The following FANCD2OS variants were observed in gnomAD, a reference collection of about 807,000 sequenced individuals.
The protein encoded by FANCD2OS is FANCD2 opposite strand, also known as FANCD2 opposite strand protein.
In FANCD2OS, 11 loss-of-function variants were observed where a neutral mutation model predicts 13.2. That is an observed-to-expected ratio of 0.83 (90% confidence interval 0.52 to 1.38). The LOEUF (loss-of-function observed/expected upper bound fraction) is 1.38. FANCD2OS is among the 40% of genes most tolerant of loss of function. The pLI is 0.00. For missense variants in FANCD2OS, 217 were observed against 213.9 expected, an observed-to-expected ratio of 1.01 and a Z score of -0.09; for synonymous variants, 69 against 84.5, an observed-to-expected ratio of 0.82 and a Z score of 1.01.
chr3:10,092,737 G>T (rs1575858154), intron 2 of FANCD2OS, among the ~76,000 whole-genome samples: 2 of 137,684 alleles, frequency 1.5e-5, no homozygotes, highest in African/African-American at 5.5e-5. Context: ...CTGTTGTCCA[G>T]GCTGGAATGC....
chr3:10,085,672 G>A (rs1694149812), intron 2 of FANCD2OS: 9 of 698,600 alleles, frequency 1.3e-5, no homozygotes, highest in South Asian at 1.3e-4. Flanking sequence ...TTACAGGTGT[G>A]AGCCACCACG....
Position 10,104,533 on chromosome 3 carries a change from G to T in FANCD2OS, c.242C>A (p.Thr81Lys), listed in dbSNP as rs771032579. Residue 81 changes from threonine (T) to lysine (K), a missense_variant, in exon 2 of 2, where the codon ACG becomes AAG. Physicochemically the swap from Thr to Lys is moderately conservative, Grantham distance 78. Coordinates refer to ENST00000450660, the MANE Select transcript of FANCD2OS (RefSeq NM_001164839.2). ...KLPCHTSELR[T>K]MNNKGLVRKP... ...CCTGACCAGTCCTTTGTTGTTCATC[G>T]TGCGCAACTCTGATGTGTGGCAGGG... 1.9e-6 allele frequency: 3 copies of T among 1,614,048 alleles called. No homozygotes were observed. Among genetic ancestry groups the T allele is most frequent in the African/African-American group, 1.3e-5 (1 of 74,890 alleles).
At chr3:10,090,750 G>A (rs1408413669) in intron 2 of FANCD2OS, among the ~76,000 whole-genome samples, 63 of 152,066 alleles carry the variant, frequency 4.1e-4, no homozygotes, top group African/African-American at 1.2e-3. Context: ...GCGCCACTGC[G>A]CCCGGTGGTA....
chr3:10,105,769 AAATTATATATATATAT>A (rs1695466890), intron 1 of FANCD2OS, among the ~76,000 whole-genome samples: 1 of 47,200 alleles, frequency 2.1e-5, no homozygotes, highest in African/African-American at 3.2e-4. Flanking sequence ...AAAAAAAAAA[AAATTATATATATATAT>A]ATATATATAT....
At chr3:10,093,158 A>G (rs1694752848) in intron 2 of FANCD2OS, 4 of 725,438 alleles carry the variant, frequency 5.5e-6, no homozygotes, top group East Asian at 2.6e-5. Context: ...ATTAATTTAA[A>G]TGTTGACATT....
chr3:10,107,351 G>C (rs1431111456), intron 1 of FANCD2OS, among the ~76,000 whole-genome samples: 1 of 151,692 alleles, frequency 6.6e-6, no homozygotes, highest in Non-Finnish European at 1.5e-5. Flanking sequence ...GCAGTGGCGC[G>C]ATCTCCGCTC....
At chr3:10,099,120 A>G, downstream of FANCD2OS, 1 of 1,488,630 alleles carries the variant, frequency 6.7e-7, no homozygotes, top group Non-Finnish European at 8.9e-7. Context: ...AGAAGGGAGA[A>G]GTCATCGAAG....
intron 1 of FANCD2OS, among the ~76,000 whole-genome samples, chr3:10,106,763 A>C (rs1371425781): frequency 6.6e-6 from 1 of 152,106 alleles, no homozygotes; most frequent in East Asian, 1.9e-4. Flanking sequence ...AAAATACAAA[A>C]ATTAGCCAGG....
chr3:10,096,523 C>G, intron 2 of FANCD2OS: 1 of 1,574,590 alleles, frequency 6.4e-7, no homozygotes, highest in African/African-American at 1.4e-5. Flanking sequence ...TTCTTTGTGA[C>G]AGCATCAGAT....
At chr3:10,106,781 G>A (rs1387067490) in intron 1 of FANCD2OS, among the ~76,000 whole-genome samples, 2 of 152,180 alleles carry the variant, frequency 1.3e-5, no homozygotes, top group Non-Finnish European at 2.9e-5. Flanking sequence ...AGGCGTGGTG[G>A]TGGGTGCCTG....
chr3:10,104,926 T>G (rs1407797272), intron 1 of FANCD2OS, 144 bp from the exon 2 acceptor site: 21 of 501,278 alleles, frequency 4.2e-5, no homozygotes, highest in Non-Finnish European at 6.4e-5. Flanking sequence ...TGTTAGGATA[T>G]TAGTAATTAT....
intron 2 of FANCD2OS, among the ~76,000 whole-genome samples, chr3:10,089,240 G>A (rs1337567473): frequency 1.3e-5 from 2 of 151,650 alleles, no homozygotes; most frequent in Non-Finnish European, 2.9e-5. Context: ...AGCCGGGATC[G>A]CGCCACTGCA....
intron 2 of FANCD2OS, among the ~76,000 whole-genome samples, chr3:10,086,488 A>G (rs1694211247): frequency 6.6e-6 from 1 of 151,590 alleles, no homozygotes; most frequent in Non-Finnish European, 1.5e-5. Flanking sequence ...TCAGGACCTT[A>G]TATCTTCTTT....
At chr3:10,090,443 A>ATTTTTTTTTTTTT in intron 2 of FANCD2OS, 1 of 340,200 alleles carries the variant, frequency 2.9e-6, no homozygotes, top group Non-Finnish European at 5.2e-6. Flanking sequence ...GAAGTTGCTG[A>ATTTTTTTTTTTTT]TTTTTTTTTT....
At chr3:10,094,435 T>A in intron 2 of FANCD2OS, 1 of 1,269,142 alleles carries the variant, frequency 7.9e-7, no homozygotes, top group Non-Finnish European at 1.2e-6. Flanking sequence ...TGGTGACTCC[T>A]GGGTGGGGCT....
rs755529297 is a variant in FANCD2OS, at chr3:10,104,739, T to C, written c.36A>G (p.Pro12=). 1 of 1,602,714 alleles carries C rather than the reference T, an allele frequency of 6.2e-7. No homozygotes were observed. The highest frequency in any genetic ancestry group is 1.7e-5 in the Admixed American group (1 of 59,460). The change falls in exon 2 of 2, where the codon CCA becomes CCG. Residue 12 remains proline (P), a synonymous_variant. Coordinates refer to ENST00000450660, the MANE Select transcript of FANCD2OS (RefSeq NM_001164839.2). The part of the protein sequence containing the change: ...AGYQLWSPWT[P]LDESFQWLRH... ...GCAGCCATTGGAAACTCTCATCCAG[T>C]GGGGTCCATGGTGACCAGAGCTGGT...
intron 1 of FANCD2OS, among the ~76,000 whole-genome samples, chr3:10,106,920 G>A (rs1447557421): frequency 6.6e-6 from 1 of 152,028 alleles, no homozygotes; most frequent in Non-Finnish European, 1.5e-5. Flanking sequence ...AGAAAAAAAC[G>A]TTGGTGACAT....
rs780878229 is a variant in FANCD2OS at position 10,081,507 on chromosome 3, C to A, written c.*68G>T. The A allele has an allele frequency of 1.3e-5, 17 of 1,336,486 alleles. No homozygotes were observed. The Admixed American group carries it at 2.9e-4, about 22-fold the overall frequency. 82.8% of individuals were successfully genotyped at this position (1,336,486 alleles called of 1,614,324 possible). On this transcript the variant is annotated 3_prime_UTR_variant, in exon 3 of 3. Coordinates refer to the FANCD2OS transcript ENST00000524279. The stretch of plus-strand genomic sequence containing the variant: ...GTGGAGAGAACTGAGTATATACTTG[C>A]TTTTATTTGACAGTCACCAAGGCAC...
rs1267933900 is a variant in FANCD2OS at position 10,081,433 on chromosome 3, C to T, written c.*142G>A. On this transcript the variant is annotated 3_prime_UTR_variant, in exon 3 of 3. Transcript: ENST00000524279. ...CATAATGTCTTCCTGCTATCAGAGG[C>T]TGCTGCAGATTTTTCATGGGCTTTT... 8 of 1,613,756 alleles carry T rather than the reference C, an allele frequency of 5.0e-6. No homozygotes were observed. In the Admixed American group the frequency reaches 1.2e-4, roughly 24 times the overall value.
Sources: gnomAD v4.1 joint callset for allele counts (sites outside exome capture counted in the v4.1 genomes callset) on GRCh38, gnomAD v4.1.1 for gene constraint, MANE v1.5 for transcripts, NCBI Gene and HGNC (gene_info 2026-07-23, HGNC 2026-07-21) for gene names.